STX1A: variants seen among roughly 807,000 people sequenced by gnomAD.
STX1A encodes the protein syntaxin-1A.
STX1A carries 4 observed loss-of-function variants against 37.8 expected under a neutral mutation model. The ratio of observed to expected loss-of-function variants is 0.11; its 90% CI spans 0.05 to 0.24. STX1A has a LOEUF of 0.24. STX1A is among the 10% of genes least tolerant of loss of function. The pLI is 1.00. For synonymous variants in STX1A, 135 were observed against 147.4 expected (o/e 0.92, Z 0.61); for missense variants, 251 against 399.9 (o/e 0.63, Z 3.18).
At chr7:73,707,466 G>C (rs1263786640) in intron 3 of STX1A, among the ~76,000 whole-genome samples, 3 of 152,162 alleles carry the variant, frequency 2.0e-5, no homozygotes, top group African/African-American at 7.2e-5. Context: ...TGACGACTTA[G>C]AGCTGCCATC....
chr7:73,704,015 C>A (rs1798770192), intron 6 of STX1A, 133 bp downstream of exon 6: 4 of 1,025,416 alleles, frequency 3.9e-6, no homozygotes, highest in Non-Finnish European at 5.4e-6. Flanking sequence ...CAGCCCCAAA[C>A]TCAGCAGCTG....
chr7:73,707,111 AC>A (rs1368105745), intron 3 of STX1A, among the ~76,000 whole-genome samples: 2 of 151,724 alleles, frequency 1.3e-5, no homozygotes, highest in Non-Finnish European at 2.9e-5. Flanking sequence ...AGAAAATCTG[AC>A]CCCGGGCACC....
At chr7:73,704,661 TGA>T (rs1554616560) in intron 4 of STX1A, 11 of 584,630 alleles carry the variant, frequency 1.9e-5, no homozygotes, top group Non-Finnish European at 3.1e-6. Flanking sequence ...TGCGTGTGTG[TGA>T]GGTCTGGTAG....
intron 1 of STX1A, among the ~76,000 whole-genome samples, chr7:73,711,826 C>T (rs1435234957): frequency 1.3e-5 from 2 of 152,112 alleles, no homozygotes; most frequent in Non-Finnish European, 2.9e-5. Context: ...CCCCACCGAA[C>T]CCCTGTCCTG....
chr7:73,715,069 G>A (rs1323751311), intron 1 of STX1A, among the ~76,000 whole-genome samples: 3 of 151,580 alleles, frequency 2.0e-5, no homozygotes, highest in South Asian at 4.2e-4. Flanking sequence ...AGGTTGCAGT[G>A]AGCCAAGATT....
chr7:73,704,651 T>G (rs1229987686), intron 4 of STX1A: 2 of 594,062 alleles, frequency 3.4e-6, no homozygotes, highest in Non-Finnish European at 6.0e-6. Flanking sequence ...CTCCAAGCTC[T>G]GCGTGTGTGT....
chr7:73,717,301 C>T lies in STX1A; in HGVS notation c.30+2301G>A, dbSNP rs1190353788. ...TTCAGCCCAGCCCAGCCCAGCCCGC[C>T]CCAGTCCAGCCCAGTCCAGCCCAGT... On this transcript the variant is annotated intron_variant, in intron 1 of 9. Coordinates refer to ENST00000222812, the MANE Select transcript of STX1A (RefSeq NM_004603.4). The surrounding 1 kb of genome is among the most constrained non-coding windows in gnomAD (Gnocchi z 4.1). 6.6e-6 allele frequency among the ~76,000 whole-genome samples: 1 copy of T among 152,058 alleles called. No homozygotes were observed. The highest frequency in any genetic ancestry group is 1.5e-5 in the Non-Finnish European group (1 of 67,982).
Position 73,705,706 on chromosome 7 carries a change from C to T in STX1A, c.209-482G>A, listed in dbSNP as rs1396304784. On this transcript the variant is annotated intron_variant, in intron 3 of 9. Transcript: ENST00000222812. The surrounding 1 kb of genome is among the most constrained non-coding windows in gnomAD (Gnocchi z 5.2). ...TCCCTGAGTCATATGCGCAAACACT[C>T]TGGGTGGGGCAGACCTTGCTGTTCC... The T allele has an allele frequency of 1.8e-5, 3 of 167,196 alleles. No homozygotes were observed. The East Asian group carries it at 5.4e-4, about 30-fold the overall frequency. The allele number at this position is 167,196 out of a possible 1,614,324, so 10.4% of individuals were successfully genotyped here. A position where few individuals can be genotyped will look rare whatever the true frequency, so the allele number is the denominator to read the frequency against.
In STX1A at chr7:73,706,426, C is replaced by T. The variant is rs1198268837; in HGVS notation, c.209-1202G>A. Among the ~76,000 whole-genome samples, 2 of 152,070 alleles carry T rather than the reference C, an allele frequency of 1.3e-5. No individual in the cohort carries two copies. The highest frequency in any genetic ancestry group is 1.9e-4 in the East Asian group (1 of 5,176). On this transcript the variant is annotated intron_variant, in intron 3 of 9. Coordinates refer to ENST00000222812, the MANE Select transcript of STX1A (RefSeq NM_004603.4). The surrounding 1 kb of genome is among the most constrained non-coding windows in gnomAD (Gnocchi z 4.6). ...AGCCTGCCTTGCCCGGGAGAGCCCC[C>T]CACTCATTGCCATCTTTCCTTGAGA...
Position 73,702,552 on chromosome 7 carries a change from G to C in STX1A, c.678+293C>G. 1.3e-6 allele frequency: 1 copy of C among 773,014 alleles called. No homozygotes were observed. The highest frequency in any genetic ancestry group is 1.7e-5 in the African/African-American group (1 of 57,200). The allele number at this position is 773,014 out of a possible 1,614,324, so 47.9% of individuals were successfully genotyped here. A position where few individuals can be genotyped will look rare whatever the true frequency, so the allele number is the denominator to read the frequency against. On this transcript the variant is annotated intron_variant, in intron 8 of 9. Transcript: ENST00000222812. The surrounding 1 kb of genome is among the most constrained non-coding windows in gnomAD (Gnocchi z 4.7). ...ATGCCTTCAGTCTCTGGGGAAATGC[G>C]TGGCCCACAGTGGCCCCATGAGGAA...
chr7:73,710,248 A>G (rs906553932), intron 1 of STX1A, among the ~76,000 whole-genome samples: 12 of 152,246 alleles, frequency 7.9e-5, no homozygotes, highest in African/African-American at 2.9e-4. Context: ...ACTTCCCAGC[A>G]TGCTGCGCAC....
intron 8 of STX1A, among the ~76,000 whole-genome samples, chr7:73,701,604 G>A (rs1322974963): frequency 1.3e-5 from 2 of 151,646 alleles, no homozygotes; most frequent in African/African-American, 4.8e-5. Flanking sequence ...GTCCCATGCT[G>A]CCCCCAGAGG....
At chr7:73,716,601 T>A (rs184075244) in intron 1 of STX1A, 18 of 152,684 alleles carry the variant, frequency 1.2e-4, no homozygotes, top group African/African-American at 4.3e-4. Context: ...CCTATTCAAA[T>A]CCAGCTCCTG....
chr7:73,715,686 C>T lies in STX1A; in HGVS notation c.30+3916G>A, dbSNP rs973895018. On this transcript the variant is annotated intron_variant, in intron 1 of 9. Transcript: ENST00000222812. ...GCGCAGAGGCCAGGCAGCCTCCAGG[C>T]GTGTCCCAGGGGAAGCCACCAGGCT... Among the ~76,000 whole-genome samples the T allele has an allele frequency of 2.6e-5, 4 of 152,316 alleles. No individual in the cohort carries two copies. The East Asian group carries it at 5.8e-4, about 22-fold the overall frequency.
At chr7:73,718,973 A>T (rs1323006832) in intron 1 of STX1A, among the ~76,000 whole-genome samples, 1 of 143,014 alleles carries the variant, frequency 7.0e-6, no homozygotes, top group Non-Finnish European at 1.5e-5. Flanking sequence ...CCCCCCCCCC[A>T]TACCTGGGGC....
At chr7:73,710,132 G>T (rs1268105761) in intron 1 of STX1A, among the ~76,000 whole-genome samples, 4 of 152,246 alleles carry the variant, frequency 2.6e-5, no homozygotes, top group African/African-American at 9.6e-5. Flanking sequence ...ACTTGGCTTG[G>T]GTCCTGCCTT....
chr7:73,719,342 A>G (rs1554619222), intron 1 of STX1A, among the ~76,000 whole-genome samples: 2 of 152,174 alleles, frequency 1.3e-5, no homozygotes, highest in Admixed American at 6.5e-5. Flanking sequence ...GAGGGCCCCG[A>G]AAAGTTTATC....
Position 73,705,450 on chromosome 7 carries a change from C to T in STX1A, c.209-226G>A. ...TCTTGTGCTGTCTTCGGAGGAGCCTCCCTTCCTCCTTTGCTGGCGCCCCCA... is the reference window on the plus strand; with the variant it reads ...TCTTGTGCTGTCTTCGGAGGAGCCTTCCTTCCTCCTTTGCTGGCGCCCCCA... On this transcript the variant is annotated intron_variant, in intron 3 of 9. Coordinates refer to ENST00000222812, the MANE Select transcript of STX1A (RefSeq NM_004603.4). The surrounding 1 kb of genome is among the most constrained non-coding windows in gnomAD (Gnocchi z 5.2). 2 of 525,284 alleles carry T rather than the reference C, an allele frequency of 3.8e-6. No individual in the cohort carries two copies. Among genetic ancestry groups the T allele is most frequent in the South Asian group, 2.4e-5 (1 of 41,842 alleles). The allele number at this position is 525,284 out of a possible 1,614,324, so 32.5% of individuals were successfully genotyped here. A position where few individuals can be genotyped will look rare whatever the true frequency, so the allele number is the denominator to read the frequency against.
At chr7:73,712,061 G>A (rs1229582857) in intron 1 of STX1A, among the ~76,000 whole-genome samples, 1 of 152,048 alleles carries the variant, frequency 6.6e-6, no homozygotes, top group African/African-American at 2.4e-5. Context: ...TGGGGAAAGG[G>A]AGATCAGGGC....
Sources: allele counts gnomAD v4.1 joint callset (sites outside exome capture counted in the v4.1 genomes callset), GRCh38; gene constraint gnomAD v4.1.1; non-coding constraint Gnocchi (gnomAD v3.1); transcripts MANE v1.5; gene names NCBI Gene and HGNC (gene_info 2026-07-23, HGNC 2026-07-21).